The following KIAA1549L variants were observed in gnomAD, a reference collection of about 807,000 sequenced individuals.
KIAA1549L encodes UPF0606 protein KIAA1549L.
In KIAA1549L, 88 loss-of-function variants were observed where a neutral mutation model predicts 160.7. The ratio of observed to expected loss-of-function variants is 0.55; its 90% CI spans 0.46 to 0.65. The LOEUF is 0.65. Ranked by LOEUF, KIAA1549L falls within the 30% of genes least tolerant of loss-of-function variation. The pLI is 0.00. For synonymous variants in KIAA1549L, 950 were observed against 976.7 expected (o/e 0.97, Z 0.51); for missense variants, 2,258 against 2,437.5 (o/e 0.93, Z 1.55).
At chr11:33,393,149 C>T (rs1850304301) in intron 1 of KIAA1549L, among the ~76,000 whole-genome samples, 1 of 152,216 alleles carries the variant, frequency 6.6e-6, no homozygotes, top group African/African-American at 2.4e-5. Flanking sequence ...CAACTCACAC[C>T]TGCCGCTATA....
At chr11:33,460,261 TA>T (rs1851915725) in intron 1 of KIAA1549L, among the ~76,000 whole-genome samples, 1 of 152,016 alleles carries the variant, frequency 6.6e-6, no homozygotes, top group African/African-American at 2.4e-5. Context: ...TTTTCAGTAT[TA>T]CCTCTGATGG....
intron 1 of KIAA1549L, among the ~76,000 whole-genome samples, chr11:33,537,711 G>T (rs1310950812): frequency 1.3e-5 from 2 of 152,172 alleles, no homozygotes; most frequent in Non-Finnish European, 1.5e-5. Context: ...TAGGGAGATT[G>T]TGGTTTCTTG....
intron 7 of KIAA1549L, among the ~76,000 whole-genome samples, chr11:33,561,198 G>A (rs188492236): frequency 1.3e-5 from 2 of 152,186 alleles, no homozygotes; most frequent in Non-Finnish European, 2.9e-5. Context: ...ATGGTCAGAT[G>A]ATTTTTAAAG....
In KIAA1549L at chr11:33,563,637, C is replaced by T. The variant is rs536597884; in HGVS notation, c.4078+1902C>T. On this transcript the variant is annotated intron_variant, in intron 8 of 20. Transcript: ENST00000658780. ...TTCTTTCCCTCTGCTGCAGAGCCAT[C>T]GGTATGCAGAAATCATTTTACCTGC... Among the ~76,000 whole-genome samples the T allele has an allele frequency of 2.6e-5, 4 of 152,246 alleles. No individual in the cohort carries two copies. The East Asian group carries it at 7.7e-4, about 29-fold the overall frequency.
intron 1 of KIAA1549L, among the ~76,000 whole-genome samples, chr11:33,449,177 T>G (rs575100004): frequency 6.6e-6 from 1 of 152,370 alleles, no homozygotes; most frequent in Non-Finnish European, 1.5e-5. Flanking sequence ...TGAACATGTA[T>G]TATTATTTTA....
chr11:33,388,117 A>G (rs1850208080), intron 1 of KIAA1549L, among the ~76,000 whole-genome samples: 1 of 152,202 alleles, frequency 6.6e-6, no homozygotes. Context: ...GTCCACTCTC[A>G]CGCTACTATA....
chr11:33,590,620 C>T (rs749648519), intron 11 of KIAA1549L, among the ~76,000 whole-genome samples: 1 of 152,178 alleles, frequency 6.6e-6, no homozygotes, highest in Non-Finnish European at 1.5e-5. Context: ...AGAGTGACTC[C>T]ATAAATTCCA....
intron 5 of KIAA1549L, 134 bp downstream of exon 5, chr11:33,551,393 C>T (rs934859920): frequency 1.4e-6 from 1 of 715,392 alleles, no homozygotes; most frequent in Non-Finnish European, 2.4e-6. Context: ...TTCAAAGGGT[C>T]CTGCTAATCA....
intron 20 of KIAA1549L, among the ~76,000 whole-genome samples, chr11:33,667,513 C>T (rs1051179198): frequency 6.6e-6 from 1 of 152,040 alleles, no homozygotes; most frequent in Non-Finnish European, 1.5e-5. Flanking sequence ...CTGCTTCAGC[C>T]TCCCAAGTAG....
intron 1 of KIAA1549L, among the ~76,000 whole-genome samples, chr11:33,511,581 G>A (rs75466238): frequency 0.013 from 1,967 of 152,288 alleles, 16 homozygotes; most frequent in Non-Finnish European, 0.019. Context: ...GAAATGCGTG[G>A]TTGCCCAGGT....
chr11:33,407,081 A>ATTTTTTTTTT (rs750670251), intron 1 of KIAA1549L, among the ~76,000 whole-genome samples: 4 of 100,134 alleles, frequency 4.0e-5, no homozygotes, highest in Admixed American at 1.3e-4. Context: ...TTCTTTTTTC[A>ATTTTTTTTTT]TTTTTTTTTT....
intron 9 of KIAA1549L, among the ~76,000 whole-genome samples, chr11:33,571,905 A>G (rs1374187430): frequency 6.6e-6 from 1 of 152,222 alleles, no homozygotes; most frequent in Admixed American, 6.5e-5. Flanking sequence ...GCCTATTTGC[A>G]TACCAAAGCT....
At chr11:33,514,993 G>A (rs1465621591) in intron 1 of KIAA1549L, among the ~76,000 whole-genome samples, 1 of 152,136 alleles carries the variant, frequency 6.6e-6, no homozygotes, top group South Asian at 2.1e-4. Flanking sequence ...TGAGTGTTCT[G>A]AGAATATTAA....
At chr11:33,649,987 G>A (rs955088826) in intron 17 of KIAA1549L, among the ~76,000 whole-genome samples, 37 of 152,322 alleles carry the variant, frequency 2.4e-4, no homozygotes, top group Non-Finnish European at 5.4e-4. Context: ...TTCAATGCCA[G>A]TTATTCTGGG....
At chr11:33,444,769 C>G (rs998479146) in intron 1 of KIAA1549L, among the ~76,000 whole-genome samples, 2 of 152,222 alleles carry the variant, frequency 1.3e-5, no homozygotes, top group African/African-American at 4.8e-5. Flanking sequence ...ACTAGGGCTG[C>G]TCCAAATAAG....
intron 1 of KIAA1549L, among the ~76,000 whole-genome samples, chr11:33,489,089 T>C (rs969387900): frequency 1.3e-5 from 2 of 152,236 alleles, no homozygotes; most frequent in Admixed American, 1.3e-4. Context: ...GGAACAGATA[T>C]ACCCTGAAAT....
intron 7 of KIAA1549L, among the ~76,000 whole-genome samples, chr11:33,561,320 A>G (rs1854852689): frequency 1.3e-5 from 2 of 152,262 alleles, no homozygotes; most frequent in Admixed American, 1.3e-4. Context: ...CACAAATCCT[A>G]GAAAACTCTT....
chr11:33,562,678 CTTTTT>C, intron 8 of KIAA1549L, among the ~76,000 whole-genome samples: 1 of 134,020 alleles, frequency 7.5e-6, no homozygotes, highest in African/African-American at 2.8e-5. Flanking sequence ...TTCATTTCCT[CTTTTT>C]TTTTTTTTTT....
rs1850746621 is a variant in KIAA1549L, at chr11:33,614,563, T to TCC, written c.5280-3970_5280-3969insCC. Among the ~76,000 whole-genome samples the TCC allele has an allele frequency of 6.7e-4, 12 of 17,996 alleles. 3 individuals are homozygous for TCC. 11.8% of individuals were successfully genotyped at this position (17,996 alleles called of 152,430 possible). A position where few individuals can be genotyped will look rare whatever the true frequency, so the allele number is the denominator to read the frequency against. On this transcript the variant is annotated intron_variant, in intron 15 of 20. Transcript: ENST00000658780. ...ATATATATATATATATATATATATA[T>TCC]ATATATATATATATATATATATTTT...
Sources: allele counts gnomAD v4.1 joint callset (sites outside exome capture counted in the v4.1 genomes callset), GRCh38; gene constraint gnomAD v4.1.1; transcripts MANE v1.5; gene names NCBI Gene and HGNC (gene_info 2026-07-23, HGNC 2026-07-21).